Variants in ADAMTS16 observed in about 807,000 individuals in gnomAD.
ADAMTS16 encodes the protein ADAM metallopeptidase with thrombospondin type 1 motif 16, also known as A disintegrin and metalloproteinase with thrombospondin motifs 16.
In ADAMTS16, 94 loss-of-function variants were observed where a neutral mutation model predicts 145.8. The observed-to-expected ratio is 0.64, with a 90% confidence interval of 0.55 to 0.77. The LOEUF (loss-of-function observed/expected upper bound fraction) is 0.77, where lower values mean the gene tolerates loss of function less well. ADAMTS16 is among the 30% of genes least tolerant of loss of function. ADAMTS16 has a pLI of 0.00. For synonymous variants in ADAMTS16, 659 were observed against 604.3 expected (o/e 1.09, Z -1.33); for missense variants, 1,585 against 1,591.5 (o/e 1.00, Z 0.07).
chr5:5,293,567 C>G (rs1192302557), intron 18 of ADAMTS16, among the ~76,000 whole-genome samples: 1 of 152,156 alleles, frequency 6.6e-6, no homozygotes, highest in Non-Finnish European at 1.5e-5. Flanking sequence ...TGTCCTGGAG[C>G]TTGGATGCTA....
At chr5:5,192,320 C>T (rs1450645350) in intron 8 of ADAMTS16, among the ~76,000 whole-genome samples, 1 of 152,130 alleles carries the variant, frequency 6.6e-6, no homozygotes, top group East Asian at 1.9e-4. Context: ...TCCTCTGTCC[C>T]GTGTTTTGAA....
At chr5:5,191,632 CTTTAT>C in intron 7 of ADAMTS16, 48 bp from the exon 8 acceptor site, 1 of 1,408,734 alleles carries the variant, frequency 7.1e-7, no homozygotes, top group South Asian at 1.2e-5. Context: ...ATATACTATG[CTTTAT>C]TTTATTACAA....
chr5:5,309,893 A>C (rs1414962119), intron 21 of ADAMTS16, among the ~76,000 whole-genome samples: 1 of 151,918 alleles, frequency 6.6e-6, no homozygotes, highest in Non-Finnish European at 1.5e-5. Context: ...TGCCAGAGAA[A>C]GCAAACGGAA....
chr5:5,208,235 C>T (rs1180353582), intron 9 of ADAMTS16, among the ~76,000 whole-genome samples: 1 of 152,144 alleles, frequency 6.6e-6, no homozygotes, highest in Admixed American at 6.5e-5. Flanking sequence ...AGAAATCTTC[C>T]AGTCAAGGTG....
intron 8 of ADAMTS16, among the ~76,000 whole-genome samples, chr5:5,198,026 T>C (rs1256591610): frequency 1.3e-5 from 2 of 152,150 alleles, no homozygotes; most frequent in Non-Finnish European, 2.9e-5. Context: ...TAGAAAAAAA[T>C]CATTGAAAAT....
chr5:5,201,285 T>G (rs2126592831), intron 9 of ADAMTS16, among the ~76,000 whole-genome samples: 1 of 152,204 alleles, frequency 6.6e-6, no homozygotes, highest in Middle Eastern at 3.4e-3. Context: ...ACCCATGTGC[T>G]CAGGTGACAG....
chr5:5,239,309 AAAG>A, intron 15 of ADAMTS16, 35 bp downstream of exon 15: 4 of 1,512,032 alleles, frequency 2.6e-6, no homozygotes, highest in Non-Finnish European at 3.5e-6. Context: ...AGCCTTGGGC[AAAG>A]AAGATTGTAA....
chr5:5,173,100 A>G (rs1428365303), intron 3 of ADAMTS16, among the ~76,000 whole-genome samples: 3 of 147,524 alleles, frequency 2.0e-5, no homozygotes, highest in African/African-American at 7.5e-5. Context: ...TTTTTAGTCT[A>G]TTTTTATTCC....
intron 17 of ADAMTS16, among the ~76,000 whole-genome samples, chr5:5,253,746 A>G (rs1460421473): frequency 6.6e-6 from 1 of 152,240 alleles, no homozygotes; most frequent in South Asian, 2.1e-4. Context: ...CCTGGTCACC[A>G]CATCCACAGG....
intron 3 of ADAMTS16, among the ~76,000 whole-genome samples, chr5:5,168,755 A>AATTATATTTT (rs1279834385): frequency 7.2e-6 from 1 of 139,672 alleles, no homozygotes; most frequent in African/African-American, 2.7e-5. Context: ...ATAATTATAT[A>AATTATATTTT]ATTATATTTT....
intron 11 of ADAMTS16, among the ~76,000 whole-genome samples, chr5:5,224,694 T>A (rs984818751): frequency 2.0e-5 from 3 of 152,260 alleles, no homozygotes; most frequent in Non-Finnish European, 4.4e-5. Context: ...AAGCTGCAGA[T>A]AATCATGACT....
chr5:5,145,645 T>G (rs1220447010), intron 2 of ADAMTS16, among the ~76,000 whole-genome samples: 1 of 152,272 alleles, frequency 6.6e-6, no homozygotes, highest in African/African-American at 2.4e-5. Flanking sequence ...ATTTTCTCTC[T>G]TCAAAATAAA....
At chr5:5,186,632 C>T (rs1190274891) in intron 5 of ADAMTS16, among the ~76,000 whole-genome samples, 1 of 152,086 alleles carries the variant, frequency 6.6e-6, no homozygotes, top group Non-Finnish European at 1.5e-5. Context: ...TATAGAAATG[C>T]CCAACTTTTT....
At chr5:5,280,324 A>T (rs997140884) in intron 18 of ADAMTS16, among the ~76,000 whole-genome samples, 1 of 152,120 alleles carries the variant, frequency 6.6e-6, no homozygotes, top group East Asian at 1.9e-4. Flanking sequence ...TTCTCTAGAG[A>T]AGGATCCTGT....
In ADAMTS16 at chr5:5,310,691, G is replaced by A. The variant is rs1413289438; in HGVS notation, c.3411+3963G>A. Among the ~76,000 whole-genome samples the A allele has an allele frequency of 6.6e-6, 1 of 152,128 alleles. No individual in the cohort carries two copies. The highest frequency in any genetic ancestry group is 2.4e-5 in the African/African-American group (1 of 41,428). ...CACCAGATTCTGCACCAGGCATGACGGGCCCTCCCTCAACCTCCAGAAGGC... is the reference window on the plus strand; with the variant it reads ...CACCAGATTCTGCACCAGGCATGACAGGCCCTCCCTCAACCTCCAGAAGGC... On this transcript the variant is annotated intron_variant, in intron 21 of 22. Coordinates refer to ENST00000274181, the MANE Select transcript of ADAMTS16 (RefSeq NM_139056.4). The surrounding 1 kb of genome is among the most constrained non-coding windows in gnomAD (Gnocchi z 4.3).
At chr5:5,140,569 A>C (rs1579265034) in intron 1 of ADAMTS16, 30 bp downstream of exon 1, 1 of 1,500,622 alleles carries the variant, frequency 6.7e-7, no homozygotes, top group East Asian at 2.6e-5. Context: ...ACCAGCGCGG[A>C]AACCGCGGGT....
At chr5:5,183,936 G>A (rs1735418277) in intron 4 of ADAMTS16, among the ~76,000 whole-genome samples, 1 of 152,214 alleles carries the variant, frequency 6.6e-6, no homozygotes, top group Admixed American at 6.5e-5. Context: ...AATAAAACTA[G>A]CGAAAGAAAG....
At chr5:5,263,093 C>G (rs867004558) in intron 18 of ADAMTS16, among the ~76,000 whole-genome samples, 1 of 152,228 alleles carries the variant, frequency 6.6e-6, no homozygotes, top group East Asian at 1.9e-4. Flanking sequence ...GATGCATTCT[C>G]TCTGCTGTCC....
At chr5:5,194,778 C>T (rs1002328881) in intron 8 of ADAMTS16, among the ~76,000 whole-genome samples, 2 of 152,158 alleles carry the variant, frequency 1.3e-5, no homozygotes, top group South Asian at 2.1e-4. Flanking sequence ...CTGCTTTTAT[C>T]AATGAGCTCC....
Sources: allele counts gnomAD v4.1 joint callset (sites outside exome capture counted in the v4.1 genomes callset), GRCh38; gene constraint gnomAD v4.1.1; non-coding constraint Gnocchi (gnomAD v3.1); transcripts MANE v1.5; gene names NCBI Gene and HGNC (gene_info 2026-07-23, HGNC 2026-07-21).